Variants in GRID1 observed in about 807,000 individuals in gnomAD.
GRID1 encodes the protein glutamate ionotropic receptor delta type subunit 1.
Under a neutral mutation model 98.0 loss-of-function variants are expected in GRID1, and 28 were observed. The ratio of observed to expected loss-of-function variants is 0.29; its 90% CI spans 0.21 to 0.39. The LOEUF (loss-of-function observed/expected upper bound fraction) is 0.39, where lower values mean the gene tolerates loss of function less well. Among genes scored for constraint, GRID1 ranks in the 10% least tolerant of loss-of-function variants. GRID1 has a pLI of 1.00. For missense variants in GRID1, 1,111 were observed against 1,340.5 expected (o/e 0.83, Z 2.67); for synonymous variants, 553 against 538.5 (o/e 1.03, Z -0.37).
chr10:85,743,114 C>CCCT (rs746066592), intron 8 of GRID1, among the ~76,000 whole-genome samples: 4 of 134,368 alleles, frequency 3.0e-5, no homozygotes, highest in South Asian at 3.0e-4. Flanking sequence ...AGCCCCCCCC[C>CCCT]CCACCACCCA....
chr10:86,316,096 G>T (rs1356276179), intron 2 of GRID1, among the ~76,000 whole-genome samples: 1 of 152,196 alleles, frequency 6.6e-6, no homozygotes, highest in Admixed American at 6.5e-5. Context: ...AGACTAGATA[G>T]CCAGGGAACT....
chr10:85,748,275 T>C (rs1842015809), intron 8 of GRID1, among the ~76,000 whole-genome samples: 1 of 152,198 alleles, frequency 6.6e-6, no homozygotes, highest in African/African-American at 2.4e-5. Context: ...CAGTATAGTG[T>C]AATGTGCTTC....
intron 4 of GRID1, among the ~76,000 whole-genome samples, chr10:85,917,298 C>CA (rs371471495): frequency 0.011 from 1,612 of 147,724 alleles, 25 homozygotes; most frequent in African/African-American, 0.017. Flanking sequence ...TTCCTTTTAT[C>CA]AAAAAAAAAA....
At chr10:86,085,346 G>A (rs1300909530) in intron 4 of GRID1, among the ~76,000 whole-genome samples, 2 of 152,192 alleles carry the variant, frequency 1.3e-5, no homozygotes, top group Admixed American at 6.5e-5. Flanking sequence ...GCCAGCCTCA[G>A]AAGGACGGCG....
At chr10:86,226,827 T>TC (rs1846358734) in intron 2 of GRID1, among the ~76,000 whole-genome samples, 1 of 151,282 alleles carries the variant, frequency 6.6e-6, no homozygotes, top group Admixed American at 6.6e-5. Flanking sequence ...CTGGCGGTCC[T>TC]CCCTGAGCTC....
chr10:85,610,296 C>A (rs563556975), intron 15 of GRID1, among the ~76,000 whole-genome samples: 1 of 152,268 alleles, frequency 6.6e-6, no homozygotes, highest in South Asian at 2.1e-4. Flanking sequence ...CCTGCCTATT[C>A]CCTGCATGAT....
chr10:85,882,478 T>A (rs1342035466), intron 5 of GRID1, among the ~76,000 whole-genome samples: 2 of 152,162 alleles, frequency 1.3e-5, no homozygotes, highest in Non-Finnish European at 2.9e-5. Flanking sequence ...TGTAGGGACA[T>A]GGATGAAACT....
At chr10:86,348,338 C>T (rs927143626) in intron 2 of GRID1, among the ~76,000 whole-genome samples, 3 of 152,222 alleles carry the variant, frequency 2.0e-5, no homozygotes, top group South Asian at 2.1e-4. Context: ...AGCAATGAGG[C>T]GGCCCCGGCC....
chr10:86,260,314 A>C (rs1416617517), intron 2 of GRID1, among the ~76,000 whole-genome samples: 2 of 152,202 alleles, frequency 1.3e-5, no homozygotes, highest in Non-Finnish European at 2.9e-5. Flanking sequence ...TACCAGTAAC[A>C]CCTTCATTTT....
chr10:86,008,973 C>CA (rs1189686409), intron 4 of GRID1, among the ~76,000 whole-genome samples: 10 of 152,108 alleles, frequency 6.6e-5, no homozygotes, highest in African/African-American at 2.4e-4. Flanking sequence ...TAATGCCTAT[C>CA]AACAGGAGAA....
intron 4 of GRID1, among the ~76,000 whole-genome samples, chr10:86,052,805 T>C (rs1843520367): frequency 6.6e-6 from 1 of 152,244 alleles, no homozygotes; most frequent in Admixed American, 6.5e-5. Context: ...CACCACAACA[T>C]GTTTGAACTA....
intron 8 of GRID1, among the ~76,000 whole-genome samples, chr10:85,736,885 T>C (rs1334905285): frequency 6.6e-6 from 1 of 152,066 alleles, no homozygotes; most frequent in Non-Finnish European, 1.5e-5. Context: ...AAGGAGAGTG[T>C]GAACATCTGA....
rs1216835673 is a variant in GRID1 at position 85,664,429 on chromosome 10, A to T, written c.1998-17032T>A. 3.9e-5 allele frequency among the ~76,000 whole-genome samples: 6 copies of T among 152,332 alleles called. No homozygotes were observed. The East Asian group carries it at 1.2e-3, about 29-fold the overall frequency. ...GCTCTTCCCTTAGAATCAGAGAATT[A>T]CTTTAAGACTAACCTTACATCTCAG... On this transcript the variant is annotated intron_variant, in intron 12 of 15. Coordinates refer to ENST00000327946, the MANE Select transcript of GRID1 (RefSeq NM_017551.3).
chr10:86,251,289 T>C (rs1218023024), intron 2 of GRID1, among the ~76,000 whole-genome samples: 1 of 151,762 alleles, frequency 6.6e-6, no homozygotes, highest in Non-Finnish European at 1.5e-5. Context: ...CCTCCACTAT[T>C]GTCCTATGAC....
At chr10:86,072,537 C>T (rs1045168195) in intron 4 of GRID1, among the ~76,000 whole-genome samples, 4 of 151,938 alleles carry the variant, frequency 2.6e-5, no homozygotes, top group Non-Finnish European at 5.9e-5. Context: ...AATACAGATA[C>T]GTTTTCAGTA....
At chr10:85,715,777 G>A (rs529253807) in intron 12 of GRID1, among the ~76,000 whole-genome samples, 6 of 152,222 alleles carry the variant, frequency 3.9e-5, no homozygotes, top group Non-Finnish European at 5.9e-5. Context: ...TAGAAGTACC[G>A]TATGATCCAG....
intron 2 of GRID1, among the ~76,000 whole-genome samples, chr10:86,300,329 C>T (rs1414226982): frequency 2.6e-5 from 4 of 151,196 alleles, no homozygotes; most frequent in African/African-American, 7.3e-5. Context: ...ACAGTGGGCT[C>T]GATGGCGCAA....
chr10:85,735,361 T>G (rs1348152610), intron 8 of GRID1, among the ~76,000 whole-genome samples: 1 of 152,172 alleles, frequency 6.6e-6, no homozygotes, highest in Non-Finnish European at 1.5e-5. Flanking sequence ...AGCCAGAGGT[T>G]ATAGCACAAT....
At chr10:86,145,051 A>G in intron 3 of GRID1, among the ~76,000 whole-genome samples, 1 of 152,224 alleles carries the variant, frequency 6.6e-6, no homozygotes, top group East Asian at 1.9e-4. Flanking sequence ...TGCTCACAAT[A>G]CAGCCCTCCT....
Sources: gnomAD v4.1 joint callset for allele counts (sites outside exome capture counted in the v4.1 genomes callset) on GRCh38, gnomAD v4.1.1 for gene constraint, MANE v1.5 for transcripts, NCBI Gene and HGNC (gene_info 2026-07-23, HGNC 2026-07-21) for gene names.